ADAMTS9: variants seen among roughly 807,000 people sequenced by gnomAD.
The protein encoded by ADAMTS9 is ADAM metallopeptidase with thrombospondin type 1 motif 9.
A neutral mutation model predicts 257.1 loss-of-function variants in ADAMTS9; 107 were observed. The observed-to-expected ratio is 0.42, with a 90% CI of 0.36 to 0.49. The LOEUF (loss-of-function observed/expected upper bound fraction) is 0.49, where lower values mean the gene tolerates loss of function less well. Among genes scored for constraint, ADAMTS9 ranks in the 20% least tolerant of loss-of-function variants. The pLI is 0.03. For missense variants in ADAMTS9, 2,353 were observed against 2,469.1 expected (o/e 0.95, Z 1.00); for synonymous variants, 982 against 880.9 (o/e 1.11, Z -2.03).
chr3:64,541,814 G>A, intron 33 of ADAMTS9, 24 bp downstream of exon 33: 1 of 1,613,670 alleles, frequency 6.2e-7, no homozygotes, highest in African/African-American at 1.3e-5. Context: ...GCTAAAGAAA[G>A]ATAACTTCAG....
Position 64,686,476 on chromosome 3 carries a change from C to T in ADAMTS9, c.516+92G>A. 1 of 1,437,316 alleles carries T rather than the reference C, an allele frequency of 7.0e-7. No homozygotes were observed. The highest frequency in any genetic ancestry group is 1.5e-5 in the South Asian group (1 of 68,472). The allele number at this position is 1,437,316 out of a possible 1,614,324, so 89.0% of individuals were successfully genotyped here. On this transcript the variant is annotated intron_variant, in intron 2 of 39. Coordinates refer to ENST00000498707, the MANE Select transcript of ADAMTS9 (RefSeq NM_182920.2). This position sits in a 1 kb window ranked among gnomAD's most constrained non-coding sequence, Gnocchi z 4.6. Reference sequence around the variant, plus strand: ...GCCGGAGAGGAGCGGAGCCTCGCCACAGTGAGGGTCTCTAGGCTTAGAGGA... The same window carrying T: ...GCCGGAGAGGAGCGGAGCCTCGCCATAGTGAGGGTCTCTAGGCTTAGAGGA...
chr3:64,585,687 C>A (rs775668817), intron 28 of ADAMTS9, among the ~76,000 whole-genome samples: 5 of 152,120 alleles, frequency 3.3e-5, no homozygotes, highest in Admixed American at 6.6e-5. Flanking sequence ...AATCTATCAT[C>A]CTGACTATCT....
At chr3:64,613,054 A>G (rs984569954) in intron 22 of ADAMTS9, among the ~76,000 whole-genome samples, 1 of 152,152 alleles carries the variant, frequency 6.6e-6, no homozygotes, top group Non-Finnish European at 1.5e-5. Flanking sequence ...CATCAGCCAG[A>G]CATGAAATCT....
chr3:64,544,415 G>C (rs1001230170), intron 32 of ADAMTS9, among the ~76,000 whole-genome samples: 1 of 152,076 alleles, frequency 6.6e-6, no homozygotes, highest in Non-Finnish European at 1.5e-5. Flanking sequence ...CCAAAATAGA[G>C]ACATAGACCA....
Position 64,631,885 on chromosome 3 carries a change from C to T in ADAMTS9, c.2216G>A (p.Arg739Lys). 1 of 1,613,974 alleles carries T rather than the reference C, an allele frequency of 6.2e-7. No individual in the cohort carries two copies. Among genetic ancestry groups the T allele is most frequent in the Non-Finnish European group, 8.5e-7 (1 of 1,179,952 alleles). Residue 739 changes from arginine (R) to lysine (K), a missense_variant, in exon 15 of 40, where the codon AGA becomes AAA. By Grantham distance (26) the Arg-to-Lys change is conservative. Coordinates refer to ENST00000498707, the MANE Select transcript of ADAMTS9 (RefSeq NM_182920.2). ...CDHVLNSKARRDKCGVCGGDN... is the reference protein window; with the variant it reads ...CDHVLNSKARKDKCGVCGGDN... ...GCCACCACAAACCCCACATTTATCTCTCCGGGCTTTTGAGTTTAAAACATG... is the reference window on the plus strand; with the variant it reads ...GCCACCACAAACCCCACATTTATCTTTCCGGGCTTTTGAGTTTAAAACATG...
intron 38 of ADAMTS9, among the ~76,000 whole-genome samples, chr3:64,530,004 T>TG (rs58503573): frequency 7.2e-6 from 1 of 137,932 alleles, no homozygotes; most frequent in Non-Finnish European, 1.5e-5. Context: ...TTTTTTTTTT[T>TG]GTAGAGATTG....
intron 12 of ADAMTS9, among the ~76,000 whole-genome samples, chr3:64,636,536 A>T (rs138156862): frequency 1.3e-5 from 2 of 152,342 alleles, no homozygotes; most frequent in African/African-American, 4.8e-5. Flanking sequence ...AGTGTGGCTC[A>T]CAGTAAGTGA....
chr3:64,623,291 T>C (rs1700151155), intron 16 of ADAMTS9, among the ~76,000 whole-genome samples: 2 of 152,170 alleles, frequency 1.3e-5, no homozygotes, highest in African/African-American at 4.8e-5. Context: ...GCCTTGCTCT[T>C]CCTTGGACCT....
chr3:64,656,300 G>T (rs1701067545), intron 4 of ADAMTS9, among the ~76,000 whole-genome samples: 2 of 152,092 alleles, frequency 1.3e-5, no homozygotes, highest in Non-Finnish European at 2.9e-5. Context: ...TAACCTGGTG[G>T]GGTTTTTATT....
chr3:64,634,208 G>T (rs1223737213), intron 12 of ADAMTS9, among the ~76,000 whole-genome samples: 2 of 152,064 alleles, frequency 1.3e-5, no homozygotes, highest in African/African-American at 4.8e-5. Context: ...AATCTATTAG[G>T]CCACTTTTTG....
intron 16 of ADAMTS9, among the ~76,000 whole-genome samples, chr3:64,623,896 C>G (rs1206529607): frequency 6.6e-6 from 1 of 151,958 alleles, no homozygotes; most frequent in Non-Finnish European, 1.5e-5. Context: ...CCAGATCTTG[C>G]AAAAGATGAA....
In ADAMTS9 at chr3:64,687,693, C is replaced by A. The variant is rs918354136; in HGVS notation, c.-36G>T. The A allele has an allele frequency of 1.4e-6, 2 of 1,437,016 alleles. No individual in the cohort carries two copies. The highest frequency in any genetic ancestry group is 1.9e-6 in the Non-Finnish European group (2 of 1,068,376). The allele number at this position is 1,437,016 out of a possible 1,614,324, so 89.0% of individuals were successfully genotyped here. A position where few individuals can be genotyped will look rare whatever the true frequency, so the allele number is the denominator to read the frequency against. ...ACCCCTCCCTCCGCTGCCCCCACCC[C>A]CCTCCCTCCTGCCCTCCTTGGCTGC... On this transcript the variant is annotated 5_prime_UTR_variant, in exon 1 of 40. Coordinates refer to ENST00000498707, the MANE Select transcript of ADAMTS9 (RefSeq NM_182920.2). This position sits in a 1 kb window ranked among gnomAD's most constrained non-coding sequence, Gnocchi z 4.4.
chr3:64,567,888 C>T (rs773681042), intron 29 of ADAMTS9, among the ~76,000 whole-genome samples: 1 of 152,078 alleles, frequency 6.6e-6, no homozygotes, highest in Non-Finnish European at 1.5e-5. Context: ...TAACAGAGAA[C>T]TCTCTCTTCT....
At chr3:64,610,435 T>A (rs1194791320) in intron 22 of ADAMTS9, among the ~76,000 whole-genome samples, 1 of 152,164 alleles carries the variant, frequency 6.6e-6, no homozygotes, top group East Asian at 1.9e-4. Context: ...GGAACATTAT[T>A]GAATTATACA....
At chr3:64,552,967 C>G (rs2106936807) in intron 30 of ADAMTS9, among the ~76,000 whole-genome samples, 1 of 152,180 alleles carries the variant, frequency 6.6e-6, no homozygotes. Context: ...TGCCTTGCCT[C>G]AAAGGCATTT....
chr3:64,585,095 C>G (rs1386014423), intron 28 of ADAMTS9, among the ~76,000 whole-genome samples: 1 of 152,006 alleles, frequency 6.6e-6, no homozygotes, highest in African/African-American at 2.4e-5. Flanking sequence ...AGAGAGGCAC[C>G]CAGTTTGAAC....
At chr3:64,567,977 C>G (rs1040264009) in intron 29 of ADAMTS9, among the ~76,000 whole-genome samples, 2 of 152,156 alleles carry the variant, frequency 1.3e-5, no homozygotes, top group African/African-American at 4.8e-5. Flanking sequence ...CTTCAAGAAC[C>G]TCCAAGATAA....
intron 38 of ADAMTS9, among the ~76,000 whole-genome samples, chr3:64,531,108 C>T (rs568687846): frequency 4.0e-4 from 61 of 152,102 alleles, no homozygotes; most frequent in African/African-American, 1.2e-3. Flanking sequence ...TTTAGTTAAT[C>T]GGATTTGAGG....
intron 37 of ADAMTS9, among the ~76,000 whole-genome samples, chr3:64,535,989 C>T (rs908175217): frequency 6.6e-6 from 1 of 152,168 alleles, no homozygotes; most frequent in African/African-American, 2.4e-5. Context: ...CTGCCTGTCC[C>T]ACCTGCACTG....
Sources: gnomAD v4.1 joint callset for allele counts (sites outside exome capture counted in the v4.1 genomes callset) on GRCh38, gnomAD v4.1.1 for gene constraint, Gnocchi (gnomAD v3.1) non-coding constraint, MANE v1.5 for transcripts, NCBI Gene and HGNC (gene_info 2026-07-23, HGNC 2026-07-21) for gene names.